The following SHISA7 variants were observed in gnomAD, a reference collection of about 807,000 sequenced individuals.
SHISA7 encodes protein shisa-7.
SHISA7 carries 6 observed loss-of-function variants against 23.9 expected under a neutral mutation model. The ratio of observed to expected loss-of-function variants is 0.25; its 90% CI spans 0.14 to 0.50. The LOEUF (loss-of-function observed/expected upper bound fraction) is 0.50. Among genes scored for constraint, SHISA7 ranks in the 20% least tolerant of loss-of-function variants. SHISA7 has a pLI of 0.98. For synonymous variants in SHISA7, 386 were observed against 398.3 expected (o/e 0.97, Z 0.37); for missense variants, 671 against 801.1 (o/e 0.84, Z 1.96).
chr19:55,433,129 C>A lies in SHISA7; in HGVS notation c.*27G>T. ...GGCTGGGACGGGGGGCCCGGGAGGCCGCAGCCCCCCAGACCCGGCCCTGGC... is the reference window on the plus strand; with the variant it reads ...GGCTGGGACGGGGGGCCCGGGAGGCAGCAGCCCCCCAGACCCGGCCCTGGC... On this transcript the variant is annotated 3_prime_UTR_variant, in exon 4 of 4. Coordinates refer to ENST00000376325, the MANE Select transcript of SHISA7 (RefSeq NM_001145176.2). The surrounding 1 kb of genome is among the most constrained non-coding windows in gnomAD (Gnocchi z 8.4). The A allele has an allele frequency of 6.6e-7, 1 of 1,504,728 alleles. No individual in the cohort carries two copies. The highest frequency in any genetic ancestry group is 8.8e-7 in the Non-Finnish European group (1 of 1,132,594). The allele number at this position is 1,504,728 out of a possible 1,614,324, so 93.2% of individuals were successfully genotyped here. A position where few individuals can be genotyped will look rare whatever the true frequency, so the allele number is the denominator to read the frequency against.
intron 3 of SHISA7, among the ~76,000 whole-genome samples, chr19:55,437,357 G>A (rs1332128022): frequency 1.3e-5 from 2 of 152,086 alleles, no homozygotes; most frequent in African/African-American, 2.4e-5. Context: ...TCTATTAATT[G>A]CAAGTCCAAG....
rs185075664 is a variant in SHISA7 at position 55,433,949 on chromosome 19, C to T, written c.977-153G>A. On this transcript the variant is annotated intron_variant, in intron 3 of 3. Coordinates refer to ENST00000376325, the MANE Select transcript of SHISA7 (RefSeq NM_001145176.2). The surrounding 1 kb of genome is among the most constrained non-coding windows in gnomAD (Gnocchi z 8.4). ...GCTGTGAGGCCAAAATGCAGATTCC[C>T]AGGCCCAGCCCACAATGCTGGGTCA... Among the ~76,000 whole-genome samples the T allele has an allele frequency of 1.9e-4, 29 of 152,276 alleles. No homozygotes were observed. The East Asian group carries it at 5.2e-3, about 27-fold the overall frequency.
At chr19:55,440,105 C>A (rs978226311) in intron 2 of SHISA7, among the ~76,000 whole-genome samples, 1 of 152,022 alleles carries the variant, frequency 6.6e-6, no homozygotes, top group Admixed American at 6.6e-5. Context: ...ATTCTAATCA[C>A]CTGCCTCACC....
chr19:55,433,828 G>T lies in SHISA7; in HGVS notation c.977-32C>A. The T allele has an allele frequency of 2.2e-6, 3 of 1,369,328 alleles. No individual in the cohort carries two copies. The highest frequency in any genetic ancestry group is 2.8e-6 in the Non-Finnish European group (3 of 1,068,922). The allele number at this position is 1,369,328 out of a possible 1,614,324, so 84.8% of individuals were successfully genotyped here. ...GGAGAGGGGGAAAAGCCACAGCCGT[G>T]GGTCCCCTGCGCATCTAGAGCCCTC... On this transcript the variant is annotated intron_variant, in intron 3 of 3. Transcript: ENST00000376325. The surrounding 1 kb of genome is among the most constrained non-coding windows in gnomAD (Gnocchi z 8.4).
Position 55,433,330 on chromosome 19 carries a change from G to A in SHISA7, c.1443C>T (p.Ala481=). 1 of 1,438,360 alleles carries A rather than the reference G, an allele frequency of 7.0e-7. No individual in the cohort carries two copies. Among genetic ancestry groups the A allele is most frequent in the Non-Finnish European group, 9.0e-7 (1 of 1,106,682 alleles). 89.1% of individuals were successfully genotyped at this position (1,438,360 alleles called of 1,614,324 possible). ...PSSLHAHHHH[A]LHGSPQPAWM... is the part of the protein sequence containing the mutation. ...AGGCCGGCTGCGGCGAGCCGTGCAG[G>A]GCGTGGTGGTGGTGGGCGTGCAGGC... Residue 481 remains alanine, a synonymous_variant, in exon 4 of 4, where the codon GCC becomes GCT. Transcript: ENST00000376325. The surrounding 1 kb of genome is among the most constrained non-coding windows in gnomAD (Gnocchi z 8.4).
At position 55,433,374 on chromosome 19, in the gene SHISA7, C is replaced by G. The variant is rs992582350; in HGVS notation, c.1399G>C (p.Gly467Arg). The G allele has an allele frequency of 5.2e-6, 7 of 1,345,288 alleles. No homozygotes were observed. The highest frequency in any genetic ancestry group is 5.7e-6 in the Non-Finnish European group (6 of 1,057,590). 83.3% of individuals were successfully genotyped at this position (1,345,288 alleles called of 1,614,324 possible). The change falls in exon 4 of 4, where the codon GGG (glycine) becomes CGG (arginine). Residue 467 changes from glycine (G) to arginine (R), a missense_variant. This residue lies in a region of SHISA7 where 457 missense variants were observed against 488.3 expected (regional missense o/e 0.94). Coordinates refer to ENST00000376325, the MANE Select transcript of SHISA7 (RefSeq NM_001145176.2). The surrounding 1 kb of genome is among the most constrained non-coding windows in gnomAD (Gnocchi z 8.4). ...TGCAGGCTGGACGGTGGCGGCAGCC[C>G]GCGCAGCGGTGTTGGGGGCCCCCCG... The part of the protein sequence containing the change: ...GPGGPPTPLR[G>R]LPPPSSLHAH...
rs1985246216 is a variant in SHISA7 at position 55,432,986 on chromosome 19, G to A, written c.*170C>T. The A allele has an allele frequency of 4.9e-6, 4 of 823,038 alleles. No individual in the cohort carries two copies. The highest frequency in any genetic ancestry group is 5.3e-6 in the Non-Finnish European group (3 of 566,908). 51.0% of individuals were successfully genotyped at this position (823,038 alleles called of 1,614,324 possible). On this transcript the variant is annotated 3_prime_UTR_variant, in exon 4 of 4. Transcript: ENST00000376325. The surrounding 1 kb of genome is among the most constrained non-coding windows in gnomAD (Gnocchi z 4.6). Reference sequence around the variant, plus strand: ...AGGAGGCCTTGGCTCAAGCAGTGAAGTAATAGGAGGAGGAATCTTGTCTGC... The same window carrying A: ...AGGAGGCCTTGGCTCAAGCAGTGAAATAATAGGAGGAGGAATCTTGTCTGC...
At position 55,437,598 on chromosome 19, in the gene SHISA7, G is replaced by A. The variant is rs892446523; in HGVS notation, c.976+7C>T. On this transcript the variant is annotated splice_region_variant and intron_variant, in intron 3 of 3. Coordinates refer to ENST00000376325, the MANE Select transcript of SHISA7 (RefSeq NM_001145176.2). ...TTCACCGCCGCGCTGCCCTTGCCAG[G>A]ACTCACCCAGCCTCTTGAGGGAAGA... is the stretch of plus-strand genomic sequence containing the variant. 1.9e-6 allele frequency: 3 copies of A among 1,550,418 alleles called. No individual in the cohort carries two copies. The highest frequency in any genetic ancestry group is 2.0e-5 in the Admixed American group (1 of 50,898).
intron 3 of SHISA7, among the ~76,000 whole-genome samples, chr19:55,434,982 G>GGT (rs1192726895): frequency 1.0e-4 from 9 of 89,598 alleles, no homozygotes; most frequent in Non-Finnish European, 4.5e-5. Context: ...GTGTGTGGAT[G>GGT]GTGTGTATGG....
At chr19:55,436,001 T>C (rs978315022) in intron 3 of SHISA7, among the ~76,000 whole-genome samples, 1 of 152,130 alleles carries the variant, frequency 6.6e-6, no homozygotes, top group African/African-American at 2.4e-5. Context: ...GAAAATCGTT[T>C]CTGGGCCGAG....
In SHISA7 at chr19:55,442,756, C is replaced by T; in HGVS notation, c.108G>A (p.Leu36=). 1 of 1,153,874 alleles carries T rather than the reference C, an allele frequency of 8.7e-7. No individual in the cohort carries two copies. The highest frequency in any genetic ancestry group is 1.1e-6 in the Non-Finnish European group (1 of 938,854). The allele number at this position is 1,153,874 out of a possible 1,614,324, so 71.5% of individuals were successfully genotyped here. Residue 36 remains leucine (L), a synonymous_variant, in exon 1 of 4, where the codon CTG becomes CTA. Transcript: ENST00000376325. ...CGGTCAGGCGCCGCAGGTGCGCCAG[C>T]AGGGCGGGCAGCGGGCCCGCGGGCT... is the stretch of plus-strand genomic sequence containing the variant. ...SAEPAGPLPA[L]LAHLRRLTGA...
intron 3 of SHISA7, among the ~76,000 whole-genome samples, chr19:55,435,531 T>C (rs1389148086): frequency 7.9e-6 from 1 of 127,050 alleles, no homozygotes; most frequent in Non-Finnish European, 1.6e-5. Flanking sequence ...AACAGGAGGG[T>C]CCCTTGAGCC....
rs1362868493 is a variant in SHISA7, at chr19:55,442,860, G to A, written c.4C>T (p.Pro2Ser). Reference protein sequence around the residue: MPALLLLVLLAS... With the variant: MSALLLLVLLAS... ...AGGAGTACGAGGAGCAGGAGGGCCG[G>A]CATGGGGCTTGCAGGGGGTCGCACT... is the stretch of plus-strand genomic sequence containing the variant. Residue 2 changes from proline (P) to serine (S), a missense_variant, in exon 1 of 4, where the codon CCG becomes TCG. Transcript: ENST00000376325. 5.8e-6 allele frequency: 8 copies of A among 1,376,732 alleles called. No homozygotes were observed. In the East Asian group the frequency reaches 9.3e-5, roughly 16 times the overall value. The allele number at this position is 1,376,732 out of a possible 1,614,324, so 85.3% of individuals were successfully genotyped here.
At position 55,430,303 on chromosome 19, in the gene SHISA7, G is replaced by C. The variant is rs974358318; in HGVS notation, c.*2853C>G. The C allele has an allele frequency of 2.2e-4, 33 of 152,270 alleles. No homozygotes were observed. Among genetic ancestry groups the C allele is most frequent in the African/African-American group, 7.2e-4 (30 of 41,412 alleles). 9.4% of individuals were successfully genotyped at this position (152,270 alleles called of 1,614,324 possible). A position where few individuals can be genotyped will look rare whatever the true frequency, so the allele number is the denominator to read the frequency against. ...GAGGGGGACAGCTGGCCCCACCCCT[G>C]TCCTTTTAGTGGAAACGGGAATATG... is the stretch of plus-strand genomic sequence containing the variant. On this transcript the variant is annotated 3_prime_UTR_variant, in exon 4 of 4. Coordinates refer to ENST00000376325, the MANE Select transcript of SHISA7 (RefSeq NM_001145176.2).
At position 55,442,904 on chromosome 19, in the gene SHISA7, G is replaced by A. The variant is rs895320747; in HGVS notation, c.-41C>T. 2.3e-4 allele frequency: 273 copies of A among 1,187,380 alleles called. No homozygotes were observed. Among genetic ancestry groups the A allele is most frequent in the Non-Finnish European group, 2.8e-4 (267 of 953,436 alleles). The allele number at this position is 1,187,380 out of a possible 1,614,324, so 73.6% of individuals were successfully genotyped here. ...TCGCACTGGGCCGCCAGGCTGCGGG[G>A]AGAACGAGAGCAGAGGTTGGAGCGC... On this transcript the variant is annotated 5_prime_UTR_variant, in exon 1 of 4. Coordinates refer to ENST00000376325, the MANE Select transcript of SHISA7 (RefSeq NM_001145176.2).
At chr19:55,440,557 A>G (rs901954719) in intron 2 of SHISA7, 54 bp downstream of exon 2, 7 of 1,247,472 alleles carry the variant, frequency 5.6e-6, no homozygotes, top group Non-Finnish European at 7.1e-6. Flanking sequence ...GGGCTACATG[A>G]TGAAGGGGCG....
chr19:55,435,351 A>ATGTTGTGTGTG (rs1568451259), intron 3 of SHISA7, among the ~76,000 whole-genome samples: 16 of 81,824 alleles, frequency 2.0e-4, no homozygotes, highest in South Asian at 4.1e-4. Flanking sequence ...TATGGTGTGT[A>ATGTTGTGTGTG]TGGTGTGTGT....
intron 2 of SHISA7, among the ~76,000 whole-genome samples, chr19:55,439,332 TCTC>T (rs1415680951): frequency 1.3e-5 from 2 of 152,094 alleles, no homozygotes; most frequent in Admixed American, 6.5e-5. Context: ...AGATGTCTCT[TCTC>T]CTCTCCACCC....
At chr19:55,440,879 C>A (rs1985585508) in intron 1 of SHISA7, 114 bp from the exon 2 acceptor site, 1 of 1,057,446 alleles carries the variant, frequency 9.5e-7, no homozygotes, top group Non-Finnish European at 1.2e-6. Flanking sequence ...ACTCAGCCTG[C>A]CTTTTTCGCC....
Sources: allele counts gnomAD v4.1 joint callset (sites outside exome capture counted in the v4.1 genomes callset), GRCh38; gene constraint gnomAD v4.1.1; regional missense constraint gnomAD v4.1.1; non-coding constraint Gnocchi (gnomAD v3.1); transcripts MANE v1.5; gene names NCBI Gene and HGNC (gene_info 2026-07-23, HGNC 2026-07-21).